Variants in PCDH9 observed in about 807,000 individuals in gnomAD.
The protein encoded by PCDH9 is protocadherin 9.
PCDH9 carries 24 observed loss-of-function variants against 70.6 expected under a neutral mutation model. The observed-to-expected ratio is 0.34, with a 90% CI of 0.25 to 0.48. PCDH9 has a LOEUF of 0.48. Among genes scored for constraint, PCDH9 ranks in the 20% least tolerant of loss-of-function variants. PCDH9 has a pLI of 0.99. For synonymous variants in PCDH9, 562 were observed against 558.5 expected (o/e 1.01, Z -0.09); for missense variants, 1,281 against 1,503.6 (o/e 0.85, Z 2.45).
rs114853218 is a variant in PCDH9, at chr13:66,449,079, A to C, written c.3341-144051T>G. ...GCTCAGCAAGAGACAAGGGGATAAA[A>C]TCATCTGCTCCTCCTAGTGAGCTTA... On this transcript the variant is annotated intron_variant, in intron 4 of 4. Coordinates refer to ENST00000377865, the MANE Select transcript of PCDH9 (RefSeq NM_203487.3). 8.8e-3 allele frequency among the ~76,000 whole-genome samples: 1,340 copies of C among 152,288 alleles called. 17 individuals carry two copies. The highest frequency in any genetic ancestry group is 0.03 in the African/African-American group (1,230 of 41,564).
chr13:66,444,859 C>A (rs937582133), intron 4 of PCDH9, among the ~76,000 whole-genome samples: 2 of 151,894 alleles, frequency 1.3e-5, no homozygotes, highest in Admixed American at 6.6e-5. Flanking sequence ...CCACGCCCAG[C>A]CTTAGAAAGT....
intron 2 of PCDH9, among the ~76,000 whole-genome samples, chr13:67,156,312 GTCAAATGCAGCATA>G (rs2087811998): frequency 1.3e-5 from 2 of 152,162 alleles, no homozygotes. Flanking sequence ...GCAGGGGGAT[GTCAAATGCAGCATA>G]TCAGCGTAGG....
chr13:66,552,313 C>T (rs1203559309), intron 4 of PCDH9, among the ~76,000 whole-genome samples: 1 of 152,114 alleles, frequency 6.6e-6, no homozygotes, highest in African/African-American at 2.4e-5. Flanking sequence ...TGGAGAATTT[C>T]ACAGTCAGCG....
At chr13:67,106,211 A>C (rs960774123) in intron 2 of PCDH9, among the ~76,000 whole-genome samples, 1 of 152,202 alleles carries the variant, frequency 6.6e-6, no homozygotes. Context: ...GATAACTTTA[A>C]AACTCTTGGG....
chr13:66,498,693 C>T (rs1959154803), intron 4 of PCDH9, among the ~76,000 whole-genome samples: 2 of 151,974 alleles, frequency 1.3e-5, no homozygotes, highest in Admixed American at 6.6e-5. Context: ...CAAAATTAAA[C>T]GAATGTTTTA....
intron 2 of PCDH9, among the ~76,000 whole-genome samples, chr13:67,024,117 T>C (rs1055561075): frequency 3.9e-5 from 6 of 152,162 alleles, no homozygotes; most frequent in Non-Finnish European, 7.3e-5. Context: ...CTAAACTCTA[T>C]TAGGAAGCCA....
At chr13:66,977,530 A>C (rs2083645369) in intron 2 of PCDH9, 1 of 152,136 alleles carries the variant, frequency 6.6e-6, no homozygotes, top group South Asian at 2.1e-4. Flanking sequence ...TTATTGCCCA[A>C]GGTAGGAAAG....
chr13:67,153,250 C>A (rs2138392040), intron 2 of PCDH9, among the ~76,000 whole-genome samples: 1 of 152,082 alleles, frequency 6.6e-6, no homozygotes, highest in East Asian at 1.9e-4. Context: ...TAGCCTCAAA[C>A]TCCTGGGTCC....
At chr13:66,432,357 G>A (rs1224929595) in intron 4 of PCDH9, among the ~76,000 whole-genome samples, 1 of 151,774 alleles carries the variant, frequency 6.6e-6, no homozygotes, top group Non-Finnish European at 1.5e-5. Context: ...TGAGCCTTGA[G>A]GTAATTTACT....
At chr13:67,122,348 G>A (rs1042542589) in intron 2 of PCDH9, among the ~76,000 whole-genome samples, 1 of 151,916 alleles carries the variant, frequency 6.6e-6, no homozygotes, top group African/African-American at 2.4e-5. Context: ...GGAATTCATC[G>A]TTTAAAAAGA....
At chr13:66,515,567 A>C (rs1224836148) in intron 4 of PCDH9, among the ~76,000 whole-genome samples, 1 of 152,006 alleles carries the variant, frequency 6.6e-6, no homozygotes, top group East Asian at 1.9e-4. Context: ...TAATGCTTTT[A>C]TTTGGCATAA....
intron 4 of PCDH9, among the ~76,000 whole-genome samples, chr13:66,328,050 AAAGATCCTATT>A (rs1182586149): frequency 6.6e-6 from 1 of 152,202 alleles, no homozygotes; most frequent in Non-Finnish European, 1.5e-5. Flanking sequence ...CTAACCTTTC[AAAGATCCTATT>A]AAGTATCCAA....
chr13:67,107,239 T>A, intron 2 of PCDH9, among the ~76,000 whole-genome samples: 1 of 115,602 alleles, frequency 8.7e-6, no homozygotes, highest in Non-Finnish European at 1.8e-5. Flanking sequence ...CTAAAGCCCA[T>A]AAAAAAGCCC....
At chr13:66,580,535 T>G (rs766865496) in intron 4 of PCDH9, among the ~76,000 whole-genome samples, 3 of 151,906 alleles carry the variant, frequency 2.0e-5, no homozygotes, top group Non-Finnish European at 4.4e-5. Flanking sequence ...TGGGAGTATT[T>G]GTCAATGGTA....
At chr13:67,095,551 T>C (rs1490696160) in intron 2 of PCDH9, among the ~76,000 whole-genome samples, 1 of 152,142 alleles carries the variant, frequency 6.6e-6, no homozygotes, top group African/African-American at 2.4e-5. Flanking sequence ...AAATATCTAA[T>C]TAATAATTGA....
At chr13:66,416,991 A>G (rs1450131506) in intron 4 of PCDH9, among the ~76,000 whole-genome samples, 2 of 152,204 alleles carry the variant, frequency 1.3e-5, no homozygotes, top group African/African-American at 4.8e-5. Context: ...CTATTTCTGT[A>G]TAATCCTGAG....
chr13:66,889,558 A>T (rs2082063015), intron 3 of PCDH9, among the ~76,000 whole-genome samples: 1 of 152,126 alleles, frequency 6.6e-6, no homozygotes, highest in Non-Finnish European at 1.5e-5. Flanking sequence ...GATTCCTGTT[A>T]ATAAGATACA....
At chr13:66,492,506 GAT>G (rs1257123756) in intron 4 of PCDH9, among the ~76,000 whole-genome samples, 2 of 147,948 alleles carry the variant, frequency 1.4e-5, no homozygotes, top group Admixed American at 6.8e-5. Flanking sequence ...TATATATAAT[GAT>G]ATATATATGT....
intron 3 of PCDH9, among the ~76,000 whole-genome samples, chr13:66,697,473 T>G (rs548103550): frequency 1.7e-4 from 26 of 152,208 alleles, no homozygotes; most frequent in African/African-American, 6.3e-4. Flanking sequence ...TATATTTCCC[T>G]GGGAATATTT....
Sources: allele counts gnomAD v4.1 joint callset (sites outside exome capture counted in the v4.1 genomes callset), GRCh38; gene constraint gnomAD v4.1.1; transcripts MANE v1.5; gene names NCBI Gene and HGNC (gene_info 2026-07-23, HGNC 2026-07-21).